The following GALNT11 variants were observed in gnomAD, a reference collection of about 807,000 sequenced individuals.
GALNT11 encodes the protein polypeptide N-acetylgalactosaminyltransferase 11, also known as UDP-GalNAc:polypeptide N-acetylgalactosaminyltransferase 11.
GALNT11 carries 47 observed loss-of-function variants against 72.7 expected under a neutral mutation model. The observed-to-expected ratio is 0.65, with a 90% CI of 0.51 to 0.82. The LOEUF (loss-of-function observed/expected upper bound fraction) is 0.82, where lower values mean the gene tolerates loss of function less well. Ranked by LOEUF, GALNT11 falls within the 40% of genes least tolerant of loss-of-function variation. GALNT11 has a pLI of 0.00. For synonymous variants in GALNT11, 270 were observed against 286.6 expected (o/e 0.94, Z 0.58); for missense variants, 677 against 778.4 (o/e 0.87, Z 1.55).
rs142881104 is a variant in GALNT11, at chr7:152,043,281, C to T, written c.-39+17397C>T. ...TGCCTAGAAGTAATCCTGTCATCCC[C>T]GCTGGCAAGGGTCCACCGGCTCCTG... On this transcript the variant is annotated intron_variant, in intron 1 of 11. Coordinates refer to ENST00000430044, the MANE Select transcript of GALNT11 (RefSeq NM_022087.4). Among the ~76,000 whole-genome samples the T allele has an allele frequency of 7.0e-4, 106 of 152,308 alleles. 1 individual carries two copies. Among genetic ancestry groups the T allele is most frequent in the African/African-American group, 2.4e-3 (99 of 41,556 alleles).
intron 1 of GALNT11, 53 bp downstream of exon 1, chr7:152,025,937 TGCG>T (rs72200904): frequency 0.98 from 161,864 of 164,528 alleles, 79,667 homozygotes; most frequent in East Asian, 1. Context: ...CCTCGAGAGC[TGCG>T]GCGGCGGCGG....
intron 1 of GALNT11, among the ~76,000 whole-genome samples, chr7:152,039,004 C>T (rs1393282654): frequency 6.6e-6 from 1 of 152,098 alleles, no homozygotes; most frequent in Non-Finnish European, 1.5e-5. Flanking sequence ...TGTTTAGCTC[C>T]TACAATGGGC....
chr7:152,031,662 C>T (rs151076705), intron 1 of GALNT11, among the ~76,000 whole-genome samples: 461 of 152,282 alleles, frequency 3.0e-3, no homozygotes, highest in South Asian at 6.2e-3. Flanking sequence ...TTGTCAGACA[C>T]GAGTCTGAGT....
At chr7:152,026,405 G>A (rs1311849024) in intron 1 of GALNT11, among the ~76,000 whole-genome samples, 1 of 152,198 alleles carries the variant, frequency 6.6e-6, no homozygotes, top group African/African-American at 2.4e-5. Flanking sequence ...AAGATAAAAA[G>A]CCACACAGCT....
intron 2 of GALNT11, 85 bp from the exon 3 acceptor site, chr7:152,100,713 A>C (rs911195247): frequency 7.5e-5 from 112 of 1,502,976 alleles, no homozygotes; most frequent in Non-Finnish European, 9.6e-5. Context: ...GGATAAAGTC[A>C]GCATTTTCTT....
chr7:152,062,379 G>A lies in GALNT11; in HGVS notation c.-38-31811G>A, dbSNP rs559003280. Among the ~76,000 whole-genome samples the A allele has an allele frequency of 9.2e-4, 140 of 152,314 alleles. 1 individual carries two copies. Among genetic ancestry groups the A allele is most frequent in the African/African-American group, 3.1e-3 (127 of 41,564 alleles). On this transcript the variant is annotated intron_variant, in intron 1 of 11. Transcript: ENST00000430044. ...GGAGATTTTGGGCTGAGACGATGAG[G>A]TTTTCTAAATATACAATCATGTCAT...
At chr7:152,038,105 T>G (rs1269086900) in intron 1 of GALNT11, among the ~76,000 whole-genome samples, 1 of 152,078 alleles carries the variant, frequency 6.6e-6, no homozygotes, top group African/African-American at 2.4e-5. Context: ...TATTTTATAG[T>G]TTTCATTGCA....
intron 2 of GALNT11, among the ~76,000 whole-genome samples, chr7:152,095,769 GA>G (rs2086330693): frequency 6.6e-6 from 1 of 152,098 alleles, no homozygotes; most frequent in South Asian, 2.1e-4. Flanking sequence ...TTACCATTTT[GA>G]ATAGACTCTG....
intron 7 of GALNT11, among the ~76,000 whole-genome samples, chr7:152,111,435 G>C (rs1476452580): frequency 2.0e-5 from 3 of 152,198 alleles, no homozygotes; most frequent in Non-Finnish European, 4.4e-5. Context: ...GATTACAGGC[G>C]TGAGCCACTG....
intron 1 of GALNT11, among the ~76,000 whole-genome samples, chr7:152,071,818 T>TG (rs775059424): frequency 2.6e-5 from 4 of 152,138 alleles, no homozygotes; most frequent in Non-Finnish European, 5.9e-5. Flanking sequence ...TCCCTCTGTT[T>TG]GGGGTCCCTG....
At chr7:152,116,390 C>A (rs1250929063) in intron 8 of GALNT11, among the ~76,000 whole-genome samples, 8 of 152,072 alleles carry the variant, frequency 5.3e-5, no homozygotes, top group Non-Finnish European at 1.2e-4. Flanking sequence ...GCATGCGCCA[C>A]CACTCCCAAC....
intron 1 of GALNT11, among the ~76,000 whole-genome samples, chr7:152,059,259 CT>C (rs996764906): frequency 2.7e-5 from 4 of 148,366 alleles, no homozygotes; most frequent in Non-Finnish European, 4.5e-5. Context: ...CCATGCCCAA[CT>C]TTTTTTTTTG....
chr7:152,101,528 T>C (rs965482596), intron 3 of GALNT11, among the ~76,000 whole-genome samples: 14 of 151,466 alleles, frequency 9.2e-5, no homozygotes, highest in African/African-American at 3.4e-4. Flanking sequence ...GAGTGGTCCC[T>C]GCAGAGAGGT....
At chr7:152,091,019 G>A (rs1280779267) in intron 1 of GALNT11, among the ~76,000 whole-genome samples, 1 of 151,954 alleles carries the variant, frequency 6.6e-6, no homozygotes, top group African/African-American at 2.4e-5. Context: ...AGGAGTCAGG[G>A]TTGTGGTTGG....
At chr7:152,079,969 A>T (rs1043226359) in intron 1 of GALNT11, among the ~76,000 whole-genome samples, 1 of 152,240 alleles carries the variant, frequency 6.6e-6, no homozygotes, top group Non-Finnish European at 1.5e-5. Flanking sequence ...ATACATTTTA[A>T]ATGCATTAAA....
intron 1 of GALNT11, among the ~76,000 whole-genome samples, chr7:152,030,649 CTTCT>C (rs1230637636): frequency 1.3e-5 from 2 of 152,070 alleles, no homozygotes; most frequent in African/African-American, 4.8e-5. Context: ...TCTTTGATGA[CTTCT>C]TTGTCTCTCT....
chr7:152,056,868 C>T (rs567858469), intron 1 of GALNT11, among the ~76,000 whole-genome samples: 1 of 151,650 alleles, frequency 6.6e-6, no homozygotes, highest in South Asian at 2.1e-4. Context: ...CAGGTTCTTG[C>T]TTCACCTACT....
intron 10 of GALNT11, chr7:152,119,068 A>G (rs1229561827): frequency 4.2e-6 from 1 of 237,712 alleles, no homozygotes; most frequent in Non-Finnish European, 8.0e-6. Context: ...TCAGTCAGCT[A>G]CTTTCGTCTC....
chr7:152,057,038 G>A (rs923390014), intron 1 of GALNT11, among the ~76,000 whole-genome samples: 2 of 78,502 alleles, frequency 2.5e-5, no homozygotes, highest in African/African-American at 1.0e-4. Flanking sequence ...GGTGTTCTTT[G>A]TAGCGACAGG....
Sources: gnomAD v4.1 joint callset for allele counts (sites outside exome capture counted in the v4.1 genomes callset) on GRCh38, gnomAD v4.1.1 for gene constraint, MANE v1.5 for transcripts, NCBI Gene and HGNC (gene_info 2026-07-23, HGNC 2026-07-21) for gene names.